PRKDC: variants seen among roughly 807,000 people sequenced by gnomAD.
The protein encoded by PRKDC is DNA-dependent protein kinase catalytic subunit.
In PRKDC, 82 loss-of-function variants were observed where a neutral mutation model predicts 486.9. The ratio of observed to expected loss-of-function variants is 0.17; its 90% CI spans 0.14 to 0.20. PRKDC has a LOEUF of 0.20. Among genes scored for constraint, PRKDC ranks in the 10% least tolerant of loss-of-function variants. The probability of loss-of-function intolerance (pLI) is 1.00; values close to 1 mark genes in which losing one functional copy is unlikely to be tolerated. For synonymous variants in PRKDC, 1,895 were observed against 1,837.0 expected (o/e 1.03, Z -0.81); for missense variants, 4,504 against 5,038.2 (o/e 0.89, Z 3.21).
intron 68 of PRKDC, among the ~76,000 whole-genome samples, chr8:47,809,034 G>T (rs751386729): frequency 1.3e-5 from 2 of 148,428 alleles, no homozygotes; most frequent in African/African-American, 4.9e-5. Context: ...TGGAAGGAAA[G>T]AAAGAAAGGA....
At chr8:47,917,311 T>C (rs2090002260) in intron 22 of PRKDC, among the ~76,000 whole-genome samples, 2 of 152,160 alleles carry the variant, frequency 1.3e-5, no homozygotes, top group South Asian at 2.1e-4. Flanking sequence ...ACTAGAGATA[T>C]ATTTATTTTA....
Position 47,955,978 on chromosome 8 carries a change from C to A in PRKDC, c.325-30G>T, listed in dbSNP as rs1035823482. 20 of 1,459,610 alleles carry A rather than the reference C, an allele frequency of 1.4e-5. No homozygotes were observed. In the African/African-American group the frequency reaches 2.7e-4, roughly 20 times the overall value. The allele number at this position is 1,459,610 out of a possible 1,614,324, so 90.4% of individuals were successfully genotyped here. ...GTTTTAAAAAAAAAATAACCAAAATCATCAATAAGATATAAAAACTAAGAC... is the reference window on the plus strand; with the variant it reads ...GTTTTAAAAAAAAAATAACCAAAATAATCAATAAGATATAAAAACTAAGAC... On this transcript the variant is annotated intron_variant, in intron 3 of 85. Transcript: ENST00000314191.
chr8:47,936,713 T>G lies in PRKDC; in HGVS notation c.1114-196A>C, dbSNP rs185684705. On this transcript the variant is annotated intron_variant, in intron 11 of 85. Coordinates refer to ENST00000314191, the MANE Select transcript of PRKDC (RefSeq NM_006904.7). ...CTCACCACAACCTCCAACTCCCAGG[T>G]TCAAGTGATTCTCCCGCTTCAGCCT... Among the ~76,000 whole-genome samples, 230 of 151,722 alleles carry G rather than the reference T, an allele frequency of 1.5e-3. 2 individuals carry two copies. Among genetic ancestry groups the G allele is most frequent in the Non-Finnish European group, 2.3e-3 (155 of 67,916 alleles).
intron 68 of PRKDC, among the ~76,000 whole-genome samples, chr8:47,810,906 A>C (rs1321163004): frequency 6.6e-6 from 1 of 152,204 alleles, no homozygotes; most frequent in Non-Finnish European, 1.5e-5. Flanking sequence ...AAAAAAAGAC[A>C]ATAAAAATGA....
At chr8:47,807,426 C>CTTT in intron 68 of PRKDC, 100 bp from the exon 69 acceptor site, 2 of 1,008,632 alleles carry the variant, frequency 2.0e-6, no homozygotes, top group Non-Finnish European at 2.7e-6. Flanking sequence ...AATGTTTGTT[C>CTTT]TTTTTTTTTT....
chr8:47,878,984 AT>A (rs1210193794), intron 39 of PRKDC, among the ~76,000 whole-genome samples: 3 of 152,254 alleles, frequency 2.0e-5, no homozygotes, highest in Admixed American at 6.5e-5. Context: ...CAGATAAGGG[AT>A]GCTCAACCTA....
intron 8 of PRKDC, 30 bp downstream of exon 8, chr8:47,943,944 G>A (rs1563816824): frequency 1.3e-6 from 2 of 1,554,092 alleles, no homozygotes; most frequent in Admixed American, 1.8e-5. Context: ...AAAGGCATTA[G>A]AATAATATTA....
In PRKDC at chr8:47,929,892, A is replaced by G. The variant is rs1008323620; in HGVS notation, c.2013T>C (p.Ser671=). The change falls in exon 18 of 86, where the codon TCT becomes TCC. Residue 671 remains serine, a synonymous_variant. Transcript: ENST00000314191. ...PLISGFYKLL[S]ITVRNAKKIK... is the part of the protein sequence containing the mutation. ...TTTTCTTGGCATTTCTTACTGTAAT[A>G]GAAAGCAATTTGTAGAAACCACTGA... 23 of 1,603,584 alleles carry G rather than the reference A, an allele frequency of 1.4e-5. No homozygotes were observed. Among genetic ancestry groups the G allele is most frequent in the Non-Finnish European group, 1.9e-5 (22 of 1,177,596 alleles).
intron 71 of PRKDC, among the ~76,000 whole-genome samples, chr8:47,800,419 G>A (rs572758596): frequency 6.6e-6 from 1 of 150,914 alleles, no homozygotes; most frequent in Non-Finnish European, 1.5e-5. Context: ...GAGAACACAT[G>A]GACACAGGAA....
In PRKDC at chr8:47,945,907, A is replaced by G. The variant is rs1398817520; in HGVS notation, c.722-1878T>C. On this transcript the variant is annotated intron_variant, in intron 7 of 85. Coordinates refer to ENST00000314191, the MANE Select transcript of PRKDC (RefSeq NM_006904.7). ...CGGCTAATTGTTTTGTATTTTTAGT[A>G]GAGATGGGGTTTCACTATCTTGGCC... 3.9e-5 allele frequency among the ~76,000 whole-genome samples: 6 copies of G among 152,030 alleles called. No individual in the cohort carries two copies. The East Asian group carries it at 9.8e-4, about 25-fold the overall frequency.
intron 59 of PRKDC, among the ~76,000 whole-genome samples, chr8:47,833,378 C>T (rs1037114173): frequency 6.6e-6 from 1 of 152,138 alleles, no homozygotes; most frequent in African/African-American, 2.4e-5. Flanking sequence ...CTGTCATGGG[C>T]CCTTTCCTCT....
At chr8:47,871,652 G>C (rs1414576534) in intron 40 of PRKDC, among the ~76,000 whole-genome samples, 1 of 152,148 alleles carries the variant, frequency 6.6e-6, no homozygotes, top group Non-Finnish European at 1.5e-5. Flanking sequence ...AGGCTGGAGT[G>C]CAGTGGCACG....
Position 47,882,079 on chromosome 8 carries a change from C to G in PRKDC, c.4795G>C (p.Gly1599Arg). Residue 1599 changes from glycine (G) to arginine (R), a missense_variant, in exon 37 of 86, where the codon GGC becomes CGC. Coordinates refer to ENST00000314191, the MANE Select transcript of PRKDC (RefSeq NM_006904.7). ...NTKMVSAVLN[G>R]MLDQSFRERA... is the part of the protein sequence containing the mutation. ...TCCCTGAAGCTCTGGTCTAACATGC[C>G]GTTCAAAACGGCACTCACCTGAGAC... The G allele has an allele frequency of 6.2e-7, 1 of 1,612,630 alleles. No individual in the cohort carries two copies. The highest frequency in any genetic ancestry group is 2.2e-5 in the East Asian group (1 of 44,842).
Position 47,837,249 on chromosome 8 carries a change from G to A in PRKDC, c.7724C>T (p.Pro2575Leu), listed in dbSNP as rs1234764397. 4.3e-6 allele frequency: 7 copies of A among 1,613,900 alleles called. No homozygotes were observed. The highest frequency in any genetic ancestry group is 5.1e-6 in the Non-Finnish European group (6 of 1,179,850). The change falls in exon 57 of 86, where the codon CCC becomes CTC. Residue 2575 changes from proline (P) to leucine (L), a missense_variant. Transcript: ENST00000314191. ...MTSMSPDYPN[P>L]MFEHPLSECE... is the part of the protein sequence containing the mutation. ...TTCTGACAGAGGATGCTCGAACATG[G>A]GGTTTGGATAATCTGGGCTCATGCT... is the stretch of plus-strand genomic sequence containing the variant.
chr8:47,869,372 C>T (rs1178911656), intron 40 of PRKDC, among the ~76,000 whole-genome samples: 2 of 151,774 alleles, frequency 1.3e-5, no homozygotes, highest in Non-Finnish European at 2.9e-5. Context: ...TCCTGAGTCC[C>T]TCACTCCAGG....
In PRKDC at chr8:47,915,817, G is replaced by A. The variant is rs568634502; in HGVS notation, c.2527-399C>T. ...TGGTCCTCACACCGATATTGCAGTT[G>A]GAAAACCAGGCAAGAAATTTTAAAT... On this transcript the variant is annotated intron_variant, in intron 22 of 85. Transcript: ENST00000314191. Among the ~76,000 whole-genome samples the A allele has an allele frequency of 1.3e-4, 20 of 152,310 alleles. 1 individual carries two copies. The highest frequency in any genetic ancestry group is 6.8e-3 in the Middle Eastern group (2 of 294).
chr8:47,848,810 A>G (rs1430434424), intron 54 of PRKDC, among the ~76,000 whole-genome samples: 1 of 152,222 alleles, frequency 6.6e-6, no homozygotes, highest in Non-Finnish European at 1.5e-5. Flanking sequence ...ATTTAAACAC[A>G]TTAACAGAAG....
intron 62 of PRKDC, among the ~76,000 whole-genome samples, chr8:47,827,313 G>A (rs956230831): frequency 2.0e-5 from 3 of 151,848 alleles, no homozygotes; most frequent in Admixed American, 6.6e-5. Context: ...CAATACTACC[G>A]ATAAACAATA....
In PRKDC at chr8:47,778,709, A is replaced by G. The variant is rs776045624; in HGVS notation, c.11651+19T>C. On this transcript the variant is annotated intron_variant, in intron 82 of 85. Coordinates refer to ENST00000314191, the MANE Select transcript of PRKDC (RefSeq NM_006904.7). ...GGCTGCTGTGATCCCACTAAGGGTGAGGGCAGAAGGGTACTTACTTTAAGA... is the reference window on the plus strand; with the variant it reads ...GGCTGCTGTGATCCCACTAAGGGTGGGGGCAGAAGGGTACTTACTTTAAGA... 1.5e-5 allele frequency: 25 copies of G among 1,613,564 alleles called. No individual in the cohort carries two copies. The highest frequency in any genetic ancestry group is 2.1e-5 in the Non-Finnish European group (25 of 1,179,678).
Sources: gnomAD v4.1 joint callset for allele counts (sites outside exome capture counted in the v4.1 genomes callset) on GRCh38, gnomAD v4.1.1 for gene constraint, MANE v1.5 for transcripts, NCBI Gene and HGNC (gene_info 2026-07-23, HGNC 2026-07-21) for gene names.